Variants in SLC35F1 observed in about 807,000 individuals in gnomAD.
The protein encoded by SLC35F1 is solute carrier family 35 member F1.
Under a neutral mutation model 48.7 loss-of-function variants are expected in SLC35F1, and 14 were observed. The ratio of observed to expected loss-of-function variants is 0.29; its 90% CI spans 0.19 to 0.45. SLC35F1 has a LOEUF of 0.45. SLC35F1 is among the 20% of genes least tolerant of loss of function. The pLI, the probability that SLC35F1 is intolerant of heterozygous loss-of-function variation, is 1.00. For missense variants in SLC35F1, 404 were observed against 500.0 expected (o/e 0.81, Z 1.83); for synonymous variants, 190 against 202.2 (o/e 0.94, Z 0.51).
chr6:118,174,649 C>G lies in SLC35F1; in HGVS notation c.349+20029C>G, dbSNP rs184632185. 1.8e-3 allele frequency among the ~76,000 whole-genome samples: 271 copies of G among 152,178 alleles called. 1 individual carries two copies. Among genetic ancestry groups the G allele is most frequent in the Non-Finnish European group, 2.9e-3 (198 of 68,004 alleles). The stretch of plus-strand genomic sequence containing the variant: ...GAATAAATATTTGAAGGGATAATAG[C>G]TGAGAATTTTCCATATTTGTTGAAA... On this transcript the variant is annotated intron_variant, in intron 2 of 7. Transcript: ENST00000360388.
intron 1 of SLC35F1, among the ~76,000 whole-genome samples, chr6:117,954,498 A>G (rs1307709649): frequency 2.0e-5 from 3 of 152,190 alleles, no homozygotes; most frequent in African/African-American, 7.2e-5. Flanking sequence ...ACATCAGGTG[A>G]GCCACCTGTC....
At chr6:118,288,518 A>G (rs1776078893) in intron 7 of SLC35F1, among the ~76,000 whole-genome samples, 2 of 152,188 alleles carry the variant, frequency 1.3e-5, no homozygotes, top group Admixed American at 1.3e-4. Context: ...TATCAATAGG[A>G]AGGAATGCCT....
At chr6:118,121,989 C>T (rs868055808) in intron 1 of SLC35F1, among the ~76,000 whole-genome samples, 20 of 151,804 alleles carry the variant, frequency 1.3e-4, no homozygotes, top group African/African-American at 4.8e-4. Context: ...GGAGAGATTT[C>T]CCCCCATTTC....
At chr6:118,177,398 A>T (rs911949120) in intron 2 of SLC35F1, among the ~76,000 whole-genome samples, 2 of 152,140 alleles carry the variant, frequency 1.3e-5, no homozygotes, top group Admixed American at 6.6e-5. Context: ...AACTTACTGG[A>T]ATGGCCAAGA....
chr6:118,226,459 TAA>T (rs1393212512), intron 2 of SLC35F1, among the ~76,000 whole-genome samples: 5 of 146,000 alleles, frequency 3.4e-5, no homozygotes, highest in African/African-American at 1.3e-4. Flanking sequence ...GGAATCAACC[TAA>T]GTGTCCATCA....
At chr6:118,203,370 AC>A (rs1370916028) in intron 2 of SLC35F1, among the ~76,000 whole-genome samples, 5 of 152,076 alleles carry the variant, frequency 3.3e-5, no homozygotes, top group Middle Eastern at 3.2e-3. Flanking sequence ...TGCACAAGAT[AC>A]CCTCCCCTCA....
chr6:118,266,947 C>A, intron 3 of SLC35F1, 48 bp from the exon 4 acceptor site: 1 of 1,601,732 alleles, frequency 6.2e-7, no homozygotes, highest in Non-Finnish European at 8.5e-7. Context: ...ACATGGAATG[C>A]TTCCTCCTGA....
chr6:117,919,943 G>A (rs1775875177), intron 1 of SLC35F1, among the ~76,000 whole-genome samples: 1 of 152,146 alleles, frequency 6.6e-6, no homozygotes. Context: ...TACAAAACGA[G>A]CGTGGGCCTA....
chr6:118,014,418 G>T (rs1434284243), intron 1 of SLC35F1, among the ~76,000 whole-genome samples: 1 of 152,158 alleles, frequency 6.6e-6, no homozygotes. Flanking sequence ...ATCCACAAAG[G>T]ATGCTAGGAC....
At chr6:118,205,674 C>T (rs766606982) in intron 2 of SLC35F1, among the ~76,000 whole-genome samples, 11 of 152,108 alleles carry the variant, frequency 7.2e-5, no homozygotes, top group Non-Finnish European at 1.3e-4. Flanking sequence ...AGCAGGGACT[C>T]AAACAGGTAT....
At chr6:118,197,751 T>C (rs1774822233) in intron 2 of SLC35F1, among the ~76,000 whole-genome samples, 1 of 152,112 alleles carries the variant, frequency 6.6e-6, no homozygotes, top group South Asian at 2.1e-4. Context: ...TAAGACTTTA[T>C]GTTGTCTGCT....
At chr6:118,230,243 G>GGCAGGAGCATC (rs1024194532) in intron 2 of SLC35F1, among the ~76,000 whole-genome samples, 1 of 152,054 alleles carries the variant, frequency 6.6e-6, no homozygotes, top group Non-Finnish European at 1.5e-5. Flanking sequence ...GGGAGGCTGA[G>GGCAGGAGCATC]GCAGGAGCAT....
intron 1 of SLC35F1, among the ~76,000 whole-genome samples, chr6:118,116,725 C>T (rs996451503): frequency 7.9e-5 from 12 of 152,154 alleles, no homozygotes; most frequent in Non-Finnish European, 1.5e-4. Context: ...TTGTGGCCAA[C>T]TTCTCAAACT....
chr6:118,100,998 C>T (rs1021192613), intron 1 of SLC35F1, among the ~76,000 whole-genome samples: 7 of 152,158 alleles, frequency 4.6e-5, no homozygotes, highest in African/African-American at 1.4e-4. Flanking sequence ...TTGGGACAAA[C>T]GTCCACTAAA....
chr6:118,021,764 A>G (rs1315912582), intron 1 of SLC35F1, among the ~76,000 whole-genome samples: 1 of 152,188 alleles, frequency 6.6e-6, no homozygotes, highest in Non-Finnish European at 1.5e-5. Context: ...TTTGGCTGGA[A>G]TTAGCTGAGC....
intron 2 of SLC35F1, among the ~76,000 whole-genome samples, chr6:118,205,455 C>G (rs1774923377): frequency 6.6e-6 from 1 of 152,178 alleles, no homozygotes; most frequent in Admixed American, 6.5e-5. Flanking sequence ...CCATGGGTTA[C>G]CACTTTGCAC....
At chr6:118,068,150 T>C (rs1772644217) in intron 1 of SLC35F1, among the ~76,000 whole-genome samples, 1 of 152,048 alleles carries the variant, frequency 6.6e-6, no homozygotes, top group South Asian at 2.1e-4. Context: ...GAGCCCTCAG[T>C]GTATTGGATG....
At chr6:118,110,100 C>T (rs973049868) in intron 1 of SLC35F1, among the ~76,000 whole-genome samples, 1 of 152,060 alleles carries the variant, frequency 6.6e-6, no homozygotes, top group Non-Finnish European at 1.5e-5. Flanking sequence ...CAGCCTGTTT[C>T]CCATCTATGC....
At chr6:117,908,135 G>C (rs1170021205) in intron 1 of SLC35F1, among the ~76,000 whole-genome samples, 3 of 152,230 alleles carry the variant, frequency 2.0e-5, no homozygotes, top group Non-Finnish European at 2.9e-5. Flanking sequence ...CGGGAGTTCG[G>C]GGAGAGGCGG....
Sources: allele counts gnomAD v4.1 joint callset (sites outside exome capture counted in the v4.1 genomes callset), GRCh38; gene constraint gnomAD v4.1.1; transcripts MANE v1.5; gene names NCBI Gene and HGNC (gene_info 2026-07-23, HGNC 2026-07-21).